AAGAB: variants seen among roughly 807,000 people sequenced by gnomAD.
AAGAB encodes alpha and gamma adaptin binding protein, also known as alpha- and gamma-adaptin-binding protein p34.
Under a neutral mutation model 44.1 loss-of-function variants are expected in AAGAB, and 38 were observed. The observed-to-expected ratio is 0.86, with a 90% confidence interval of 0.67 to 1.13. The LOEUF is 1.13. Ranked by LOEUF, AAGAB falls within the 50% of genes most tolerant of loss-of-function variation. The pLI is 0.00. For synonymous variants in AAGAB, 131 were observed against 131.8 expected (o/e 0.99, Z 0.04); for missense variants, 450 against 373.8 (o/e 1.20, Z -1.68).
chr15:67,246,958 T>G (rs986918756), intron 1 of AAGAB, among the ~76,000 whole-genome samples: 1 of 152,202 alleles, frequency 6.6e-6, no homozygotes, highest in Non-Finnish European at 1.5e-5. Context: ...GAAGCTTTGT[T>G]CTTTTGCTCT....
intron 1 of AAGAB, among the ~76,000 whole-genome samples, chr15:67,241,206 T>C (rs1992216): frequency 0.45 from 68,571 of 151,992 alleles, 15,934 homozygotes; most frequent in Non-Finnish European, 0.52. Flanking sequence ...TCTCCTTCAG[T>C]AGTAGGGTAA....
At chr15:67,240,709 G>A (rs1469734746) in intron 1 of AAGAB, among the ~76,000 whole-genome samples, 1 of 152,090 alleles carries the variant, frequency 6.6e-6, no homozygotes, top group African/African-American at 2.4e-5. Flanking sequence ...CACATCCTTG[G>A]TCAACTTCTT....
intron 5 of AAGAB, among the ~76,000 whole-genome samples, chr15:67,209,772 C>A (rs560300502): frequency 6.6e-6 from 1 of 152,314 alleles, no homozygotes; most frequent in African/African-American, 2.4e-5. Context: ...CCTTCCTCAG[C>A]CTCCTGAGTA....
rs759961802 is a variant in AAGAB, at chr15:67,238,097, C to T, written c.74-1277G>A. Among the ~76,000 whole-genome samples, 4 of 152,046 alleles carry T rather than the reference C, an allele frequency of 2.6e-5. No individual in the cohort carries two copies. In the East Asian group the frequency reaches 5.8e-4, roughly 22 times the overall value. On this transcript the variant is annotated intron_variant, in intron 1 of 9. Transcript: ENST00000261880. ...ACGAATCTTCTGAAGAATAAAAGGT[C>T]GGCCCTTTTTTTAGCAAAAAAATTA...
In AAGAB at chr15:67,236,619, C is replaced by T. The variant is rs768092505; in HGVS notation, c.264+11G>A. ...TTCTTATTCAAGCCTTCATAGAAAA[C>T]AAAGTCTTACTTGTGTGCTGTCAAA... On this transcript the variant is annotated intron_variant, in intron 2 of 9. Coordinates refer to ENST00000261880, the MANE Select transcript of AAGAB (RefSeq NM_024666.5). 111 of 1,610,330 alleles carry T rather than the reference C, an allele frequency of 6.9e-5. No homozygotes were observed. Among genetic ancestry groups the T allele is most frequent in the Non-Finnish European group, 9.0e-5 (106 of 1,178,342 alleles).
At chr15:67,239,355 T>C (rs568328665) in intron 1 of AAGAB, among the ~76,000 whole-genome samples, 1 of 152,362 alleles carries the variant, frequency 6.6e-6, no homozygotes, top group South Asian at 2.1e-4. Flanking sequence ...AACAAAACAA[T>C]GTTTGTTACT....
chr15:67,202,751 ACTGGG>A lies in AAGAB; in HGVS notation c.*65_*69del. The A allele has an allele frequency of 6.6e-7, 1 of 1,524,200 alleles. No homozygotes were observed. The highest frequency in any genetic ancestry group is 1.1e-5 in the South Asian group (1 of 89,036). 94.4% of individuals were successfully genotyped at this position (1,524,200 alleles called of 1,614,324 possible). ...ATAAGGGCAATTTTGGCAAAATATG[ACTGGG>A]CTGAGTAGAGAGGTATCTCAGAGAC... On this transcript the variant is annotated 3_prime_UTR_variant, in exon 10 of 10. Coordinates refer to ENST00000261880, the MANE Select transcript of AAGAB (RefSeq NM_024666.5).
intron 1 of AAGAB, among the ~76,000 whole-genome samples, chr15:67,246,496 G>A (rs1473479514): frequency 6.6e-6 from 1 of 152,068 alleles, no homozygotes; most frequent in East Asian, 1.9e-4. Context: ...ACGTATTTGT[G>A]GTATCTGTGT....
At chr15:67,231,599 T>C (rs1046160066) in intron 5 of AAGAB, among the ~76,000 whole-genome samples, 1 of 152,192 alleles carries the variant, frequency 6.6e-6, no homozygotes, top group African/African-American at 2.4e-5. Flanking sequence ...GCTGGGTGTA[T>C]TACAAGCAAC....
intron 5 of AAGAB, among the ~76,000 whole-genome samples, chr15:67,227,255 T>C (rs1781016763): frequency 6.6e-6 from 1 of 152,278 alleles, no homozygotes; most frequent in South Asian, 2.1e-4. Context: ...GTGATTACAG[T>C]AATTTTTCGA....
chr15:67,211,239 A>G (rs1963812236), intron 5 of AAGAB, among the ~76,000 whole-genome samples: 1 of 152,186 alleles, frequency 6.6e-6, no homozygotes, highest in Admixed American at 6.5e-5. Context: ...TGGTCTGGGC[A>G]AAACTAAGAG....
chr15:67,239,999 C>A (rs891325125), intron 1 of AAGAB, among the ~76,000 whole-genome samples: 1 of 152,182 alleles, frequency 6.6e-6, no homozygotes, highest in Non-Finnish European at 1.5e-5. Flanking sequence ...GGATTCAATT[C>A]GCCAACATTC....
At chr15:67,207,328 G>A (rs1250215058) in intron 7 of AAGAB, among the ~76,000 whole-genome samples, 1 of 152,134 alleles carries the variant, frequency 6.6e-6, no homozygotes, top group African/African-American at 2.4e-5. Flanking sequence ...ATATATGTGT[G>A]TATACTAATA....
At chr15:67,248,768 C>G (rs770386031) in intron 1 of AAGAB, among the ~76,000 whole-genome samples, 5 of 152,160 alleles carry the variant, frequency 3.3e-5, no homozygotes, top group Admixed American at 1.3e-4. Context: ...TCTCCAAGGC[C>G]TAGTTTACCC....
At chr15:67,215,241 T>G (rs1181043348) in intron 5 of AAGAB, among the ~76,000 whole-genome samples, 2 of 152,198 alleles carry the variant, frequency 1.3e-5, no homozygotes, top group Non-Finnish European at 2.9e-5. Context: ...CAATCGCTAA[T>G]GGTTCTTCTA....
upstream of AAGAB, chr15:67,255,198 C>G (rs1481474736): frequency 1.8e-6 from 1 of 557,914 alleles, no homozygotes. Flanking sequence ...AAACCGTTCA[C>G]CCGGAACCTT....
intron 5 of AAGAB, among the ~76,000 whole-genome samples, chr15:67,226,445 C>G (rs1242484700): frequency 6.6e-6 from 1 of 152,130 alleles, no homozygotes; most frequent in Non-Finnish European, 1.5e-5. Flanking sequence ...TATTCATGTT[C>G]TTACTGGCCA....
intron 5 of AAGAB, among the ~76,000 whole-genome samples, chr15:67,216,444 A>G (rs992083301): frequency 1.5e-3 from 10 of 6,864 alleles, no homozygotes; most frequent in Admixed American, 6.1e-3. Flanking sequence ...TCACTCTTGA[A>G]AAAAAAAAAA....
chr15:67,231,888 G>A lies in AAGAB; in HGVS notation c.461C>T (p.Pro154Leu). The A allele has an allele frequency of 6.2e-7, 1 of 1,609,216 alleles. No individual in the cohort carries two copies. The highest frequency in any genetic ancestry group is 8.5e-7 in the Non-Finnish European group (1 of 1,176,014). The change falls in exon 5 of 10, where the codon CCA becomes CTA. Residue 154 changes from proline to leucine, a missense_variant. Physicochemically the swap from Pro to Leu is moderately conservative, Grantham distance 98 (BLOSUM62 -3). Coordinates refer to ENST00000261880, the MANE Select transcript of AAGAB (RefSeq NM_024666.5). ...EELPEEDDDF[P>L]ESTGVKRIVQ... ...AATTCGCTTTACTCCTGTAGATTCT[G>A]GGAAGTCATCTAATCAGGGAGGGGA...
Sources: gnomAD v4.1 joint callset for allele counts (sites outside exome capture counted in the v4.1 genomes callset) on GRCh38, gnomAD v4.1.1 for gene constraint, MANE v1.5 for transcripts, NCBI Gene and HGNC (gene_info 2026-07-23, HGNC 2026-07-21) for gene names.